MICOS10: variants seen among roughly 807,000 people sequenced by gnomAD.
The protein encoded by MICOS10 is mitochondrial contact site and cristae organizing system subunit 10.
In MICOS10, 5 loss-of-function variants were observed where a neutral mutation model predicts 13.4. That is an observed-to-expected ratio of 0.37 (90% CI 0.20 to 0.78). The LOEUF (loss-of-function observed/expected upper bound fraction) is 0.78. MICOS10 is among the 30% of genes least tolerant of loss of function. The probability of loss-of-function intolerance (pLI) is 0.47; values close to 1 mark genes in which losing one functional copy is unlikely to be tolerated. For missense variants in MICOS10, 101 were observed against 94.6 expected (o/e 1.07, Z -0.28); for synonymous variants, 35 against 33.6 (o/e 1.04, Z -0.15).
At chr1:19,609,681 A>G (rs1351958766) in intron 1 of MICOS10, among the ~76,000 whole-genome samples, 2 of 152,276 alleles carry the variant, frequency 1.3e-5, no homozygotes, top group Non-Finnish European at 2.9e-5. Context: ...ATATAAAACA[A>G]CATGAATACA....
chr1:19,616,913 G>GT (rs2094886453), intron 1 of MICOS10, among the ~76,000 whole-genome samples: 1 of 152,098 alleles, frequency 6.6e-6, no homozygotes, highest in Non-Finnish European at 1.5e-5. Context: ...TCTTTAATGT[G>GT]TTTATATAAA....
At chr1:19,622,017 A>G in intron 1 of MICOS10, 83 bp from the exon 2 acceptor site, 1 of 990,284 alleles carries the variant, frequency 1.0e-6, no homozygotes, top group Non-Finnish European at 1.5e-6. Flanking sequence ...CTGTTTAATG[A>G]TGTTCACATT....
chr1:19,617,821 A>G (rs990546293), intron 1 of MICOS10, among the ~76,000 whole-genome samples: 1 of 152,144 alleles, frequency 6.6e-6, no homozygotes, highest in African/African-American at 2.4e-5. Flanking sequence ...TATTAGACAC[A>G]AGACAACTCT....
intron 1 of MICOS10, among the ~76,000 whole-genome samples, chr1:19,620,628 A>T (rs2094899773): frequency 6.6e-6 from 1 of 152,208 alleles, no homozygotes; most frequent in African/African-American, 2.4e-5. Context: ...GTTGATTCTT[A>T]CTTCATATTT....
chr1:19,617,177 G>T lies in MICOS10; in HGVS notation c.65-4923G>T, dbSNP rs1005110253. The T allele has an allele frequency of 4.1e-5, 25 of 614,040 alleles. No individual in the cohort carries two copies. The African/African-American group carries it at 5.0e-4, about 12-fold the overall frequency. 38.0% of individuals were successfully genotyped at this position (614,040 alleles called of 1,614,324 possible). On this transcript the variant is annotated intron_variant, in intron 1 of 3. Coordinates refer to ENST00000322753, the MANE Select transcript of MICOS10 (RefSeq NM_001032363.4). ...TGAGTTTGGCTTTTCTTGAAGCAGA[G>T]CACACCAGTAATGACTCCACATTTA...
At chr1:19,609,012 T>TG (rs936928118) in intron 1 of MICOS10, among the ~76,000 whole-genome samples, 1 of 137,392 alleles carries the variant, frequency 7.3e-6, no homozygotes, top group Non-Finnish European at 1.6e-5. Flanking sequence ...TTTTTTTTTT[T>TG]TTTTTTTTTT....
At chr1:19,600,926 T>C in intron 1 of MICOS10, 2 of 1,289,414 alleles carry the variant, frequency 1.6e-6, no homozygotes, top group Non-Finnish European at 2.0e-6. Context: ...ATACTCTGGC[T>C]TGGCAAAGAC....
chr1:19,624,864 G>A (rs1453627801), intron 3 of MICOS10, among the ~76,000 whole-genome samples: 2 of 152,174 alleles, frequency 1.3e-5, no homozygotes, highest in African/African-American at 4.8e-5. Context: ...AGAGGTAAGT[G>A]CCGATGGCCT....
chr1:19,600,348 G>A (rs942920910), intron 1 of MICOS10, among the ~76,000 whole-genome samples: 11 of 152,162 alleles, frequency 7.2e-5, no homozygotes, highest in Non-Finnish European at 8.8e-5. Flanking sequence ...GGAGGCTTTA[G>A]TCTGAGTCGT....
chr1:19,600,960 A>G lies in MICOS10; in HGVS notation c.64+3851A>G, dbSNP rs754990146. 265 of 1,289,280 alleles carry G rather than the reference A, an allele frequency of 2.1e-4. 1 individual carries two copies. Among genetic ancestry groups the G allele is most frequent in the Non-Finnish European group, 2.4e-4 (242 of 988,882 alleles). The allele number at this position is 1,289,280 out of a possible 1,614,324, so 79.9% of individuals were successfully genotyped here. A position where few individuals can be genotyped will look rare whatever the true frequency, so the allele number is the denominator to read the frequency against. ...ACTGAAGGGAAGCCATGGTGAATGC[A>G]CAGCAACTTCTGTGAGTCCTTCTCT... On this transcript the variant is annotated intron_variant, in intron 1 of 3. Transcript: ENST00000322753.
chr1:19,608,913 C>G (rs2094846771), intron 1 of MICOS10, among the ~76,000 whole-genome samples: 1 of 150,734 alleles, frequency 6.6e-6, no homozygotes, highest in Non-Finnish European at 1.5e-5. Flanking sequence ...GTTGCTCAGG[C>G]TACTACTTCT....
At position 19,603,300 on chromosome 1, in the gene MICOS10, A is replaced by G. The variant is rs531796444; in HGVS notation, c.64+6191A>G. On this transcript the variant is annotated intron_variant, in intron 1 of 3. Coordinates refer to ENST00000322753, the MANE Select transcript of MICOS10 (RefSeq NM_001032363.4). ...AGCCAATATCCTGCCATTGCACCCC[A>G]GCTTGGGCAACAAGATTGAAACTCC... 8.5e-5 allele frequency among the ~76,000 whole-genome samples: 13 copies of G among 152,330 alleles called. No individual in the cohort carries two copies. In the South Asian group the frequency reaches 1.9e-3, roughly 22 times the overall value.
intron 1 of MICOS10, among the ~76,000 whole-genome samples, chr1:19,610,480 G>C (rs72656064): frequency 0.086 from 12,408 of 144,196 alleles, 615 homozygotes; most frequent in African/African-American, 0.12. Context: ...CTGGGCTCAA[G>C]CGATCTTGCT....
At chr1:19,608,340 T>C (rs1389559559) in intron 1 of MICOS10, 1 of 1,295,360 alleles carries the variant, frequency 7.7e-7, no homozygotes, top group Non-Finnish European at 1.1e-6. Flanking sequence ...GCTGCTATGT[T>C]GACCACCCAG....
intron 1 of MICOS10, among the ~76,000 whole-genome samples, chr1:19,619,079 C>A (rs2094894698): frequency 6.6e-6 from 1 of 152,156 alleles, no homozygotes; most frequent in African/African-American, 2.4e-5. Context: ...GGTCTATAGT[C>A]TTTTTTCCCC....
At position 19,621,202 on chromosome 1, in the gene MICOS10, T is replaced by A. The variant is rs116280618; in HGVS notation, c.65-898T>A. ...GGAATATCAGTATCAATGGCTTCCA[T>A]GTCCCTGAGGTTCTTGAATCACACC... On this transcript the variant is annotated intron_variant, in intron 1 of 3. Coordinates refer to ENST00000322753, the MANE Select transcript of MICOS10 (RefSeq NM_001032363.4). Among the ~76,000 whole-genome samples, 849 of 152,346 alleles carry A rather than the reference T, an allele frequency of 5.6e-3. 6 individuals are homozygous for A. The highest frequency in any genetic ancestry group is 0.02 in the African/African-American group (812 of 41,576).
intron 1 of MICOS10, among the ~76,000 whole-genome samples, chr1:19,615,319 G>T (rs2094879505): frequency 6.6e-6 from 1 of 152,084 alleles, no homozygotes; most frequent in East Asian, 1.9e-4. Flanking sequence ...CAGTTACTAT[G>T]TGCACTGTAC....
At chr1:19,615,992 T>C (rs2094882941) in intron 1 of MICOS10, among the ~76,000 whole-genome samples, 1 of 152,032 alleles carries the variant, frequency 6.6e-6, no homozygotes, top group Non-Finnish European at 1.5e-5. Flanking sequence ...GATCTTCGTT[T>C]ACTGCAATCT....
At chr1:19,618,478 G>A (rs2094892493) in intron 1 of MICOS10, among the ~76,000 whole-genome samples, 1 of 152,050 alleles carries the variant, frequency 6.6e-6, no homozygotes, top group Admixed American at 6.6e-5. Context: ...CAGGGAGGTG[G>A]CAGAACTTAC....
Sources: allele counts gnomAD v4.1 joint callset (sites outside exome capture counted in the v4.1 genomes callset), GRCh38; gene constraint gnomAD v4.1.1; transcripts MANE v1.5; gene names NCBI Gene and HGNC (gene_info 2026-07-23, HGNC 2026-07-21).